PDE10A: variants seen among roughly 807,000 people sequenced by gnomAD.
The protein encoded by PDE10A is phosphodiesterase 10A.
A neutral mutation model predicts 97.7 loss-of-function variants in PDE10A; 39 were observed. The observed-to-expected ratio is 0.40, with a 90% CI of 0.31 to 0.52. PDE10A has a LOEUF of 0.52. Ranked by LOEUF, PDE10A falls within the 20% of genes least tolerant of loss-of-function variation. PDE10A has a pLI of 0.56. For synonymous variants in PDE10A, 371 were observed against 376.8 expected (o/e 0.98, Z 0.18); for missense variants, 731 against 1,047.8 (o/e 0.70, Z 4.17).
intron 1 of PDE10A, among the ~76,000 whole-genome samples, chr6:165,786,671 C>T (rs955232473): frequency 8.6e-5 from 13 of 152,018 alleles, no homozygotes; most frequent in African/African-American, 2.4e-4. Flanking sequence ...CTGATTTCCA[C>T]GATGTCCTAT....
chr6:165,433,738 G>A (rs934931119), intron 6 of PDE10A, among the ~76,000 whole-genome samples: 2 of 152,074 alleles, frequency 1.3e-5, no homozygotes, highest in Non-Finnish European at 1.5e-5. Flanking sequence ...ACAGGGGGCC[G>A]GGCGCAGTGG....
At chr6:165,958,100 T>C (rs887986259) in intron 1 of PDE10A, among the ~76,000 whole-genome samples, 1 of 152,188 alleles carries the variant, frequency 6.6e-6, no homozygotes, top group Non-Finnish European at 1.5e-5. Context: ...GGTCTCCCAC[T>C]TAGCAAGAGA....
chr6:165,874,357 G>T (rs1293680744), intron 1 of PDE10A, among the ~76,000 whole-genome samples: 2 of 136,594 alleles, frequency 1.5e-5, no homozygotes, highest in Admixed American at 1.6e-4. Context: ...TGGTGGAAGA[G>T]AACTTATTTC....
At chr6:165,865,591 G>A (rs1781019972) in intron 1 of PDE10A, among the ~76,000 whole-genome samples, 1 of 152,026 alleles carries the variant, frequency 6.6e-6, no homozygotes, top group South Asian at 2.1e-4. Context: ...TAGACAGATA[G>A]CATAAAAGGA....
At chr6:165,890,796 T>G (rs1179509574) in intron 1 of PDE10A, among the ~76,000 whole-genome samples, 1 of 152,204 alleles carries the variant, frequency 6.6e-6, no homozygotes, top group Non-Finnish European at 1.5e-5. Context: ...GAGCTCCTTC[T>G]GGAAGCGAAG....
intron 1 of PDE10A, among the ~76,000 whole-genome samples, chr6:165,936,435 A>C (rs1783332781): frequency 6.6e-6 from 1 of 152,248 alleles, no homozygotes. Context: ...AAATGTTGTC[A>C]AGGAATCCAA....
At chr6:165,631,718 G>C (rs1235759843) in intron 1 of PDE10A, among the ~76,000 whole-genome samples, 2 of 152,090 alleles carry the variant, frequency 1.3e-5, no homozygotes, top group Admixed American at 1.3e-4. Context: ...AAGAGTAAAG[G>C]GTAGAGAAAC....
At chr6:165,619,394 G>T (rs867850222) in intron 1 of PDE10A, among the ~76,000 whole-genome samples, 1 of 36,422 alleles carries the variant, frequency 2.7e-5, no homozygotes, top group African/African-American at 1.3e-4. Flanking sequence ...CTAGTATAGT[G>T]TAGTGTAGTG....
chr6:165,470,048 G>T (rs1302769986), intron 3 of PDE10A, among the ~76,000 whole-genome samples: 1 of 152,140 alleles, frequency 6.6e-6, no homozygotes, highest in Non-Finnish European at 1.5e-5. Flanking sequence ...GTCCATGTTT[G>T]CTGCTACAAA....
At chr6:165,542,185 A>T (rs948955192) in intron 2 of PDE10A, among the ~76,000 whole-genome samples, 5 of 152,204 alleles carry the variant, frequency 3.3e-5, no homozygotes, top group Admixed American at 1.3e-4. Context: ...AGTATAATTT[A>T]AAAAAAGTTG....
intron 1 of PDE10A, among the ~76,000 whole-genome samples, chr6:165,603,591 T>C (rs1787070073): frequency 6.6e-6 from 1 of 152,214 alleles, no homozygotes; most frequent in African/African-American, 2.4e-5. Context: ...CTCTCCTAAG[T>C]GGCTCAGATG....
At chr6:165,556,183 G>A (rs1419438510) in intron 1 of PDE10A, among the ~76,000 whole-genome samples, 1 of 152,134 alleles carries the variant, frequency 6.6e-6, no homozygotes, top group Non-Finnish European at 1.5e-5. Context: ...GCAGGACTGG[G>A]CTGGGGGGGT....
chr6:165,384,631 A>AGTGTGT (rs57175607), intron 17 of PDE10A, among the ~76,000 whole-genome samples: 2,523 of 66,914 alleles, frequency 0.038, 82 homozygotes, highest in African/African-American at 0.13. Context: ...TGTGTGAGTG[A>AGTGTGT]GTGTGTGTGT....
intron 1 of PDE10A, among the ~76,000 whole-genome samples, chr6:165,604,817 A>G (rs1297607071): frequency 1.3e-5 from 2 of 152,252 alleles, no homozygotes; most frequent in African/African-American, 2.4e-5. Context: ...AGTGTAGAAG[A>G]AAAAAGCTAA....
intron 1 of PDE10A, among the ~76,000 whole-genome samples, chr6:165,766,861 A>T (rs1546140): frequency 0.99 from 151,378 of 152,380 alleles, 75,201 homozygotes; most frequent in Middle Eastern, 1. Flanking sequence ...TTTGGAGGCA[A>T]GAAAATCCTA....
At chr6:165,448,366 T>TTAA (rs762361450) in intron 5 of PDE10A, among the ~76,000 whole-genome samples, 4 of 152,114 alleles carry the variant, frequency 2.6e-5, no homozygotes, top group Admixed American at 6.6e-5. Context: ...TCCAGGTAAG[T>TTAA]TAGACCAGAA....
intron 1 of PDE10A, among the ~76,000 whole-genome samples, chr6:165,943,283 G>A (rs533493079): frequency 8.2e-6 from 1 of 121,300 alleles, no homozygotes; most frequent in Admixed American, 8.1e-5. Context: ...AGGAAAGAAA[G>A]AAAGAAAGAA....
At chr6:165,628,659 G>GA (rs1330689002) in intron 1 of PDE10A, among the ~76,000 whole-genome samples, 1 of 152,076 alleles carries the variant, frequency 6.6e-6, no homozygotes, top group African/African-American at 2.4e-5. Flanking sequence ...ATTTCCATCA[G>GA]AAAAAGAATA....
rs1357182296 is a variant in PDE10A, at chr6:165,413,573, G to A, written c.2004C>T (p.Ala668=). 6.2e-7 allele frequency: 1 copy of A among 1,614,110 alleles called. No individual in the cohort carries two copies. The highest frequency in any genetic ancestry group is 2.2e-5 in the East Asian group (1 of 44,882). Residue 668 remains alanine, a synonymous_variant, in exon 13 of 22, where the codon GCC becomes GCT. Coordinates refer to ENST00000539869, the MANE Select transcript of PDE10A (RefSeq NM_001385079.1). Reference sequence around the variant, plus strand: ...AGTTGTTTTCATCTGTTTTAGAGAAGGCACTGCCACTGATTTTGTTGACCA... The same window carrying A: ...AGTTGTTTTCATCTGTTTTAGAGAAAGCACTGCCACTGATTTTGTTGACCA... ...VQMVNKISGS[A]FSKTDENNFK... is the part of the protein sequence containing the mutation.
Sources: gnomAD v4.1 joint callset for allele counts (sites outside exome capture counted in the v4.1 genomes callset) on GRCh38, gnomAD v4.1.1 for gene constraint, MANE v1.5 for transcripts, NCBI Gene and HGNC (gene_info 2026-07-23, HGNC 2026-07-21) for gene names.